MTA3: variants seen among roughly 807,000 people sequenced by gnomAD.
MTA3 encodes the protein metastasis-associated protein MTA3.
In MTA3, 34 loss-of-function variants were observed where a neutral mutation model predicts 83.5. The ratio of observed to expected loss-of-function variants is 0.41; its 90% CI spans 0.31 to 0.54. The LOEUF (loss-of-function observed/expected upper bound fraction) is 0.54, where lower values mean the gene tolerates loss of function less well. Among genes scored for constraint, MTA3 ranks in the 20% least tolerant of loss-of-function variants. The probability of loss-of-function intolerance (pLI) is 0.33; values close to 1 mark genes in which losing one functional copy is unlikely to be tolerated. For synonymous variants in MTA3, 303 were observed against 252.7 expected (o/e 1.20, Z -1.89); for missense variants, 761 against 726.4 (o/e 1.05, Z -0.55).
At chr2:42,720,721 G>A (rs1203671882) in intron 15 of MTA3, among the ~76,000 whole-genome samples, 1 of 151,984 alleles carries the variant, frequency 6.6e-6, no homozygotes, top group Non-Finnish European at 1.5e-5. Flanking sequence ...TACTTTGAGA[G>A]GCAGGCGGAT....
At chr2:42,568,262 G>C (rs1043579612), upstream of MTA3, 1 of 154,192 alleles carries the variant, frequency 6.5e-6, no homozygotes, top group Non-Finnish European at 1.4e-5. Flanking sequence ...GTGGACAGGT[G>C]ACGGGGTACC....
At chr2:42,712,740 G>T (rs1301034125) in intron 14 of MTA3, 1 of 151,998 alleles carries the variant, frequency 6.6e-6, no homozygotes, top group African/African-American at 2.4e-5. Flanking sequence ...TTTGGACATC[G>T]TGCTCACTTC....
rs1670131063 is a variant in MTA3 at position 42,754,864 on chromosome 2, A to C, written c.*1465A>C. ...AGGCTGAGCTCCGCTTGGCAGAGAG[A>C]GCGTGCTGTGTGAGGTGGAGGGCGG... On this transcript the variant is annotated 3_prime_UTR_variant, in exon 17 of 17. Coordinates refer to ENST00000405094, the MANE Select transcript of MTA3 (RefSeq NM_001330442.2). 1 of 985,382 alleles carries C rather than the reference A, an allele frequency of 1.0e-6. No individual in the cohort carries two copies. The highest frequency in any genetic ancestry group is 1.1e-4 in the East Asian group (1 of 8,816). 61.0% of individuals were successfully genotyped at this position (985,382 alleles called of 1,614,324 possible).
chr2:42,568,992 C>T (rs1678146624), intron 1 of MTA3, among the ~76,000 whole-genome samples: 1 of 152,030 alleles, frequency 6.6e-6, no homozygotes. Flanking sequence ...CACCTTCACC[C>T]TCGCACCCCG....
intron 2 of MTA3, among the ~76,000 whole-genome samples, chr2:42,536,018 G>C (rs147856570): frequency 6.6e-6 from 1 of 151,330 alleles, no homozygotes; most frequent in Non-Finnish European, 1.5e-5. Context: ...TACTCAGGAA[G>C]TTGAGGCAGG....
intron 2 of MTA3, among the ~76,000 whole-genome samples, chr2:42,528,795 C>T (rs1325684218): frequency 1.3e-5 from 2 of 152,190 alleles, no homozygotes; most frequent in African/African-American, 2.4e-5. Flanking sequence ...CAAAGAACGA[C>T]TTGTGACTTG....
chr2:42,515,280 A>T (rs969779380), intron 2 of MTA3, among the ~76,000 whole-genome samples: 5 of 151,808 alleles, frequency 3.3e-5, no homozygotes, highest in African/African-American at 1.2e-4. Flanking sequence ...GCTGGTCTCA[A>T]ACTCCTGACA....
At position 42,754,851 on chromosome 2, in the gene MTA3, G is replaced by A; in HGVS notation, c.*1452G>A. ...TCTGTGTCCTCGGAGGCTGAGCTCCGCTTGGCAGAGAGAGCGTGCTGTGTG... is the reference window on the plus strand; with the variant it reads ...TCTGTGTCCTCGGAGGCTGAGCTCCACTTGGCAGAGAGAGCGTGCTGTGTG... On this transcript the variant is annotated 3_prime_UTR_variant, in exon 17 of 17. Coordinates refer to ENST00000405094, the MANE Select transcript of MTA3 (RefSeq NM_001330442.2). The A allele has an allele frequency of 1.0e-6, 1 of 985,538 alleles. No individual in the cohort carries two copies. Among genetic ancestry groups the A allele is most frequent in the South Asian group, 4.7e-5 (1 of 21,290 alleles). The allele number at this position is 985,538 out of a possible 1,614,324, so 61.0% of individuals were successfully genotyped here.
At position 42,754,011 on chromosome 2, in the gene MTA3, T is replaced by C; in HGVS notation, c.*612T>C. 1.0e-6 allele frequency: 1 copy of C among 985,536 alleles called. No homozygotes were observed. The highest frequency in any genetic ancestry group is 1.2e-6 in the Non-Finnish European group (1 of 830,018). 61.0% of individuals were successfully genotyped at this position (985,536 alleles called of 1,614,324 possible). ...CTGCATTCCTATATGTGACCCTCCC[T>C]CCTACTCCTCCAAGGAACAGAATTA... On this transcript the variant is annotated 3_prime_UTR_variant, in exon 17 of 17. Coordinates refer to ENST00000405094, the MANE Select transcript of MTA3 (RefSeq NM_001330442.2).
chr2:42,705,054 C>G (rs1345742350), intron 12 of MTA3, among the ~76,000 whole-genome samples: 1 of 152,122 alleles, frequency 6.6e-6, no homozygotes, highest in Non-Finnish European at 1.5e-5. Context: ...CTTGGTGCCC[C>G]ATTTTGGGTT....
At chr2:42,544,469 AAAAC>A (rs1178422035) in intron 2 of MTA3, among the ~76,000 whole-genome samples, 5 of 151,640 alleles carry the variant, frequency 3.3e-5, no homozygotes, top group Admixed American at 2.6e-4. Flanking sequence ...AACAAAAACA[AAAAC>A]AAAAAAAAAA....
intron 2 of MTA3, among the ~76,000 whole-genome samples, chr2:42,545,889 C>G (rs1432119987): frequency 6.6e-6 from 1 of 152,144 alleles, no homozygotes; most frequent in African/African-American, 2.4e-5. Context: ...GTTGGAAGGC[C>G]TTCAGACTGG....
In MTA3 at chr2:42,754,353, T is replaced by A. The variant is rs1371949882; in HGVS notation, c.*954T>A. On this transcript the variant is annotated 3_prime_UTR_variant, in exon 17 of 17. Transcript: ENST00000405094. ...AGAGAACTGTGTTTGTGGGTATGAG[T>A]CTGTGTGGCCAACCCCATGACCCCC... is the stretch of plus-strand genomic sequence containing the variant. 1.0e-6 allele frequency: 1 copy of A among 985,488 alleles called. No homozygotes were observed. The highest frequency in any genetic ancestry group is 1.1e-4 in the East Asian group (1 of 8,824). The allele number at this position is 985,488 out of a possible 1,614,324, so 61.0% of individuals were successfully genotyped here.
At chr2:42,615,415 C>A (rs1184293165) in intron 4 of MTA3, among the ~76,000 whole-genome samples, 1 of 151,746 alleles carries the variant, frequency 6.6e-6, no homozygotes, top group Non-Finnish European at 1.5e-5. Flanking sequence ...GGGCCTAGTG[C>A]TGCGATCTCG....
intron 3 of MTA3, among the ~76,000 whole-genome samples, chr2:42,595,613 T>A (rs540118275): frequency 1.5e-3 from 234 of 152,298 alleles, no homozygotes; most frequent in Admixed American, 2.9e-3. Flanking sequence ...TTCCGTGACT[T>A]CTTCTCCTAT....
chr2:42,666,299 C>T (rs145134136), intron 8 of MTA3, among the ~76,000 whole-genome samples: 9 of 152,190 alleles, frequency 5.9e-5, no homozygotes, highest in South Asian at 2.1e-4. Flanking sequence ...CAAAACAAAG[C>T]GTAACTGTTA....
chr2:42,638,243 C>T (rs1687374114), intron 4 of MTA3, among the ~76,000 whole-genome samples: 1 of 151,830 alleles, frequency 6.6e-6, no homozygotes, highest in Admixed American at 6.6e-5. Flanking sequence ...TTTTTAGAAA[C>T]CTCATTTATT....
chr2:42,606,843 C>G (rs920771300), intron 3 of MTA3, among the ~76,000 whole-genome samples: 1 of 149,058 alleles, frequency 6.7e-6, no homozygotes, highest in African/African-American at 2.5e-5. Flanking sequence ...CTCGGGAGGC[C>G]GAGGTTGGCG....
rs1345442124 is a variant in MTA3, at chr2:42,626,600, A to G, written c.318-13573A>G. Among the ~76,000 whole-genome samples the G allele has an allele frequency of 2.6e-5, 4 of 151,064 alleles. No individual in the cohort carries two copies. The East Asian group carries it at 8.0e-4, about 30-fold the overall frequency. ...CGTGGGCCACCGCACCTGGCCTAGGAGCTTCAGTTTTATGGGCTGACTTTG... is the reference window on the plus strand; with the variant it reads ...CGTGGGCCACCGCACCTGGCCTAGGGGCTTCAGTTTTATGGGCTGACTTTG... On this transcript the variant is annotated intron_variant, in intron 4 of 16. Coordinates refer to ENST00000405094, the MANE Select transcript of MTA3 (RefSeq NM_001330442.2).
Sources: gnomAD v4.1 joint callset for allele counts (sites outside exome capture counted in the v4.1 genomes callset) on GRCh38, gnomAD v4.1.1 for gene constraint, MANE v1.5 for transcripts, NCBI Gene and HGNC (gene_info 2026-07-23, HGNC 2026-07-21) for gene names.